The following OVCH1 variants were observed in gnomAD, a reference collection of about 807,000 sequenced individuals.
OVCH1 encodes the protein ovochymase 1.
In OVCH1, 139 loss-of-function variants were observed where a neutral mutation model predicts 138.4. The observed-to-expected ratio is 1.00, with a 90% CI of 0.87 to 1.16. OVCH1 has a LOEUF of 1.16. Among genes scored for constraint, OVCH1 ranks in the 50% most tolerant of loss-of-function variants. The pLI is 0.00. For missense variants in OVCH1, 1,367 were observed against 1,357.9 expected (o/e 1.01, Z -0.11); for synonymous variants, 453 against 467.8 (o/e 0.97, Z 0.41).
chr12:29,477,786 G>T (rs988095396), intron 9 of OVCH1, among the ~76,000 whole-genome samples: 1 of 152,144 alleles, frequency 6.6e-6, no homozygotes, highest in African/African-American at 2.4e-5. Flanking sequence ...AATCAGCGCA[G>T]CACTTCCCTG....
chr12:29,449,318 C>T (rs1002922564), intron 22 of OVCH1, among the ~76,000 whole-genome samples: 1 of 149,038 alleles, frequency 6.7e-6, no homozygotes, highest in South Asian at 2.1e-4. Flanking sequence ...CACACACACA[C>T]ACTCAACCTT....
At chr12:29,484,584 G>A (rs948821003) in intron 8 of OVCH1, among the ~76,000 whole-genome samples, 129 bp downstream of exon 9, 8 of 152,128 alleles carry the variant, frequency 5.3e-5, no homozygotes, top group Non-Finnish European at 1.0e-4. Context: ...GAGCCCAGGA[G>A]TTTGAGCCCA....
At chr12:29,483,397 G>A (rs544287446) in intron 8 of OVCH1, among the ~76,000 whole-genome samples, 12 of 152,258 alleles carry the variant, frequency 7.9e-5, no homozygotes, top group South Asian at 2.1e-4. Context: ...ACCATTAAGC[G>A]TTTTAAATTA....
At chr12:29,489,479 C>A in intron 6 of OVCH1, 141 bp downstream of exon 6, 1 of 978,550 alleles carries the variant, frequency 1.0e-6, no homozygotes, top group South Asian at 2.0e-5. Context: ...TACACTTTTT[C>A]AGTAGAAATC....
At chr12:29,414,503 G>T (rs1424228716) in intron 3 of OVCH1, among the ~76,000 whole-genome samples, 1 of 152,104 alleles carries the variant, frequency 6.6e-6, no homozygotes, top group Non-Finnish European at 1.5e-5. Flanking sequence ...CTGTGCAGTT[G>T]TGCCATTATT....
intron 26 of OVCH1, among the ~76,000 whole-genome samples, chr12:29,437,300 G>A (rs202235229): frequency 1.3e-5 from 2 of 152,174 alleles, no homozygotes; most frequent in Non-Finnish European, 2.9e-5. Context: ...AGTAGGGTAT[G>A]TCATGGACAA....
chr12:29,491,654 A>G (rs370341850), intron 4 of OVCH1, among the ~76,000 whole-genome samples: 21 of 152,338 alleles, frequency 1.4e-4, no homozygotes, highest in Middle Eastern at 3.4e-3. Flanking sequence ...CTGTAATTCA[A>G]GAGAAAGTGG....
intron 16 of OVCH1, among the ~76,000 whole-genome samples, chr12:29,471,009 A>AAT (rs1942488521): frequency 6.6e-6 from 1 of 152,032 alleles, no homozygotes; most frequent in Admixed American, 6.6e-5. Context: ...TGGCCACATA[A>AAT]ATGTCTTTTT....
chr12:29,433,540 A>G (rs945955961), intron 27 of OVCH1, among the ~76,000 whole-genome samples: 2 of 152,180 alleles, frequency 1.3e-5, no homozygotes. Flanking sequence ...GTAACTTAAT[A>G]TACTATATAT....
chr12:29,465,260 A>G, intron 16 of OVCH1, 41 bp from the exon 17 acceptor site: 1 of 1,515,856 alleles, frequency 6.6e-7, no homozygotes, highest in Non-Finnish European at 9.0e-7. Context: ...ATGAAAACAC[A>G]TTTGTATTAG....
chr12:29,466,962 C>T (rs1263157364), intron 16 of OVCH1, among the ~76,000 whole-genome samples: 5 of 152,134 alleles, frequency 3.3e-5, no homozygotes, highest in African/African-American at 1.2e-4. Flanking sequence ...ATTCTTAATG[C>T]ATGTAGGCAT....
the OVCH1 span, among the ~76,000 whole-genome samples, chr12:29,407,066 G>A: frequency 4.6e-5 from 7 of 152,050 alleles, no homozygotes; most frequent in Admixed American, 1.3e-4. Flanking sequence ...GTGATGATGA[G>A]TATTTTTTCA....
chr12:29,427,657 T>G, intron 27 of OVCH1: 1 of 1,549,634 alleles, frequency 6.5e-7, no homozygotes, highest in Non-Finnish European at 8.7e-7. Flanking sequence ...CTGTGAGAAA[T>G]AAATATTTGT....
At chr12:29,471,082 T>G (rs1014197541) in intron 16 of OVCH1, among the ~76,000 whole-genome samples, 3 of 152,200 alleles carry the variant, frequency 2.0e-5, no homozygotes, top group African/African-American at 7.2e-5. Context: ...TTTTTCCTTG[T>G]AAATTTAGCA....
chr12:29,461,840 C>G lies in OVCH1; in HGVS notation c.2280+14G>C, dbSNP rs1331270070. 1 of 1,613,580 alleles carries G rather than the reference C, an allele frequency of 6.2e-7. No homozygotes were observed. Among genetic ancestry groups the G allele is most frequent in the African/African-American group, 1.3e-5 (1 of 75,018 alleles). On this transcript the variant is annotated intron_variant, in intron 19 of 27. Transcript: ENST00000318184. The stretch of plus-strand genomic sequence containing the variant: ...AATTTTCCACCTTCCTGTATAAAAC[C>G]AGAATCCTCTCACCTGGCAGAAATC...
intron 26 of OVCH1, among the ~76,000 whole-genome samples, chr12:29,435,321 A>G (rs2135907356): frequency 6.6e-6 from 1 of 152,322 alleles, no homozygotes; most frequent in South Asian, 2.1e-4. Context: ...ATCTATGAAT[A>G]GTCACTGCAC....
chr12:29,483,995 G>A (rs1334612047), intron 8 of OVCH1, among the ~76,000 whole-genome samples: 1 of 152,142 alleles, frequency 6.6e-6, no homozygotes, highest in African/African-American at 2.4e-5. Context: ...TTGTAGTATA[G>A]TTATTTTTGT....
chr12:29,424,100 G>A (rs921293217), downstream of OVCH1, among the ~76,000 whole-genome samples: 1 of 152,196 alleles, frequency 6.6e-6, no homozygotes, highest in Non-Finnish European at 1.5e-5. Context: ...GCCTCAAACA[G>A]AGATTTACTC....
chr12:29,445,278 C>T, exon 23 of OVCH1: 1 of 1,606,936 alleles, frequency 6.2e-7, no homozygotes, highest in Non-Finnish European at 8.5e-7. Context: ...CCAAACATAC[C>T]TAGGACTTTC....
Sources: allele counts gnomAD v4.1 joint callset (sites outside exome capture counted in the v4.1 genomes callset), GRCh38; gene constraint gnomAD v4.1.1; transcripts MANE v1.5; gene names NCBI Gene and HGNC (gene_info 2026-07-23, HGNC 2026-07-21).